Variants in CTNNA2 observed in about 807,000 individuals in gnomAD.
CTNNA2 encodes catenin alpha 2.
CTNNA2 carries 42 observed loss-of-function variants against 101.0 expected under a neutral mutation model. The ratio of observed to expected loss-of-function variants is 0.42; its 90% CI spans 0.32 to 0.54. The LOEUF (loss-of-function observed/expected upper bound fraction) is 0.54, where lower values mean the gene tolerates loss of function less well. Ranked by LOEUF, CTNNA2 falls within the 20% of genes least tolerant of loss-of-function variation. The pLI, the probability that CTNNA2 is intolerant of heterozygous loss-of-function variation, is 0.14. For synonymous variants in CTNNA2, 450 were observed against 456.4 expected (o/e 0.99, Z 0.18); for missense variants, 871 against 1,223.1 (o/e 0.71, Z 4.29).
chr2:79,740,290 T>C (rs1671199994), intron 2 of CTNNA2, among the ~76,000 whole-genome samples: 1 of 152,202 alleles, frequency 6.6e-6, no homozygotes, highest in Non-Finnish European at 1.5e-5. Context: ...CTAAGGATAA[T>C]GTCCTCTAGC....
intron 7 of CTNNA2, among the ~76,000 whole-genome samples, chr2:79,937,245 A>G (rs995114771): frequency 6.6e-6 from 1 of 152,202 alleles, no homozygotes; most frequent in Non-Finnish European, 1.5e-5. Context: ...ATTCTAAGTT[A>G]GGGTTTTCTG....
At chr2:80,336,362 T>C (rs1671763605) in intron 7 of CTNNA2, among the ~76,000 whole-genome samples, 1 of 152,142 alleles carries the variant, frequency 6.6e-6, no homozygotes, top group Non-Finnish European at 1.5e-5. Context: ...TTTTAACATA[T>C]GAATTTAGGG....
At chr2:79,884,123 C>T (rs1683656881) in intron 6 of CTNNA2, among the ~76,000 whole-genome samples, 1 of 152,126 alleles carries the variant, frequency 6.6e-6, no homozygotes, top group Non-Finnish European at 1.5e-5. Flanking sequence ...TCAGACAGTA[C>T]ACATTATCTT....
intron 1 of CTNNA2, among the ~76,000 whole-genome samples, chr2:79,600,685 G>A (rs563401177): frequency 5.7e-4 from 86 of 152,156 alleles, no homozygotes; most frequent in African/African-American, 2.0e-3. Context: ...CTTAGTTTGG[G>A]CTCCTATGAC....
rs138512270 is a variant in CTNNA2 at position 80,501,028 on chromosome 2, A to G, written c.1291-43954A>G. On this transcript the variant is annotated intron_variant, in intron 9 of 18. Transcript: ENST00000402739. ...TATTTCTAAGATGAATTCAAATGTA[A>G]TGAATCTCTTGAGCCAGACAGGAAT... is the stretch of plus-strand genomic sequence containing the variant. Among the ~76,000 whole-genome samples the G allele has an allele frequency of 6.8e-4, 103 of 152,338 alleles. 1 individual carries two copies. Among genetic ancestry groups the G allele is most frequent in the Middle Eastern group, 3.4e-3 (1 of 294 alleles).
intron 7 of CTNNA2, among the ~76,000 whole-genome samples, chr2:80,242,496 T>C (rs1671017560): frequency 6.6e-6 from 1 of 152,174 alleles, no homozygotes; most frequent in South Asian, 2.1e-4. Context: ...ACTACATATT[T>C]GTAGTCATAA....
At chr2:80,460,811 C>T (rs1684362196) in intron 9 of CTNNA2, among the ~76,000 whole-genome samples, 1 of 152,146 alleles carries the variant, frequency 6.6e-6, no homozygotes. Context: ...GGTTCTCAAA[C>T]TTTAGCATGC....
intron 4 of CTNNA2, among the ~76,000 whole-genome samples, chr2:79,375,727 T>C (rs914701772): frequency 5.3e-5 from 8 of 152,156 alleles, no homozygotes; most frequent in Non-Finnish European, 8.8e-5. Context: ...GTTAAATCCT[T>C]TGAGCTTCTA....
At chr2:79,866,675 T>C (rs1447633460) in intron 4 of CTNNA2, 1 of 152,164 alleles carries the variant, frequency 6.6e-6, no homozygotes, top group Non-Finnish European at 1.5e-5. Context: ...AAGAGTAAGA[T>C]AAAAACCTTT....
chr2:79,685,677 T>C (rs1001156818), intron 2 of CTNNA2, among the ~76,000 whole-genome samples: 3 of 152,180 alleles, frequency 2.0e-5, no homozygotes, highest in Admixed American at 6.5e-5. Context: ...CTGGCAAATA[T>C]ACTCTGTATT....
At chr2:80,261,639 C>T (rs982758120) in intron 7 of CTNNA2, among the ~76,000 whole-genome samples, 17 of 152,090 alleles carry the variant, frequency 1.1e-4, no homozygotes, top group Middle Eastern at 3.4e-3. Flanking sequence ...AATTGAATAC[C>T]CAATTGAATC....
intron 6 of CTNNA2, among the ~76,000 whole-genome samples, chr2:79,878,271 A>G (rs971520545): frequency 6.6e-6 from 1 of 152,226 alleles, no homozygotes; most frequent in South Asian, 2.1e-4. Context: ...GTGCTGCAGT[A>G]AACATACATG....
chr2:80,268,268 G>C (rs1276771099), intron 7 of CTNNA2, among the ~76,000 whole-genome samples: 1 of 152,160 alleles, frequency 6.6e-6, no homozygotes, highest in Non-Finnish European at 1.5e-5. Flanking sequence ...CGGCTGGACG[G>C]GTGTAGAGTG....
At chr2:79,863,128 G>T (rs7587305) in intron 4 of CTNNA2, among the ~76,000 whole-genome samples, 4,166 of 151,988 alleles carry the variant, frequency 0.027, 194 homozygotes, top group African/African-American at 0.093. Context: ...TCTCTTTCCT[G>T]GTAGCTCAAA....
intron 7 of CTNNA2, among the ~76,000 whole-genome samples, chr2:80,051,275 C>G (rs1696861141): frequency 6.6e-6 from 1 of 152,168 alleles, no homozygotes; most frequent in Non-Finnish European, 1.5e-5. Flanking sequence ...TTGGATGGAA[C>G]TCTTACGTCA....
intron 3 of CTNNA2, among the ~76,000 whole-genome samples, chr2:79,795,542 CATTTA>C (rs1256293091): frequency 1.3e-5 from 2 of 151,830 alleles, no homozygotes; most frequent in South Asian, 4.2e-4. Flanking sequence ...AATTAAATTT[CATTTA>C]ATTTGTTTAT....
At chr2:79,937,431 T>C (rs1687863715) in intron 7 of CTNNA2, among the ~76,000 whole-genome samples, 1 of 152,244 alleles carries the variant, frequency 6.6e-6, no homozygotes, top group African/African-American at 2.4e-5. Context: ...CTGCATGTAG[T>C]GTCTGCAATC....
chr2:79,474,706 A>G (rs1168027849), intron 4 of CTNNA2, among the ~76,000 whole-genome samples: 1 of 152,216 alleles, frequency 6.6e-6, no homozygotes, highest in African/African-American at 2.4e-5. Flanking sequence ...TTCATTTCCA[A>G]ACGAAATTAT....
At chr2:79,341,553 A>T (rs1239356412) in intron 3 of CTNNA2, among the ~76,000 whole-genome samples, 1 of 152,196 alleles carries the variant, frequency 6.6e-6, no homozygotes, top group Non-Finnish European at 1.5e-5. Context: ...ACATCTTTGG[A>T]GCAACGATCT....
Sources: gnomAD v4.1 joint callset for allele counts (sites outside exome capture counted in the v4.1 genomes callset) on GRCh38, gnomAD v4.1.1 for gene constraint, MANE v1.5 for transcripts, NCBI Gene and HGNC (gene_info 2026-07-23, HGNC 2026-07-21) for gene names.